The following TMEM63B variants were observed in gnomAD, a reference collection of about 807,000 sequenced individuals.
The protein encoded by TMEM63B is mechanosensitive cation channel TMEM63B.
In TMEM63B, 23 loss-of-function variants were observed where a neutral mutation model predicts 102.6. That is an observed-to-expected ratio of 0.22 (90% confidence interval 0.16 to 0.32). TMEM63B has a LOEUF of 0.32. Ranked by LOEUF, TMEM63B falls within the 10% of genes least tolerant of loss-of-function variation. TMEM63B has a pLI of 1.00. For synonymous variants in TMEM63B, 444 were observed against 437.0 expected (o/e 1.02, Z -0.20); for missense variants, 628 against 1,095.9 (o/e 0.57, Z 6.03).
At position 44,139,712 on chromosome 6, in the gene TMEM63B, C is replaced by T. The variant is rs2128236880; in HGVS notation, c.555C>T (p.Asn185=). 2 of 1,614,180 alleles carry T rather than the reference C, an allele frequency of 1.2e-6. No homozygotes were observed. Among genetic ancestry groups the T allele is most frequent in the Non-Finnish European group, 1.7e-6 (2 of 1,180,036 alleles). The change falls in exon 8 of 24, where the codon AAC becomes AAT. Residue 185 remains asparagine (N), a synonymous_variant. Coordinates refer to ENST00000323267, the MANE Select transcript of TMEM63B (RefSeq NM_018426.3). ...CTCCCTCTTCCCACCCCACAGAGAA[C>T]AATGCCTACAGCTTTGGGAGAACCA... The part of the protein sequence containing the change: ...PVNFSGDLLE[N]NAYSFGRTTI...
At position 44,148,561 on chromosome 6, in the gene TMEM63B, T is replaced by A; in HGVS notation, c.1170T>A (p.Arg390=). 1 of 1,614,188 alleles carries A rather than the reference T, an allele frequency of 6.2e-7. No homozygotes were observed. The highest frequency in any genetic ancestry group is 8.5e-7 in the Non-Finnish European group (1 of 1,180,018). ...GTAAATGCCAGGGCTGCACCTGCCG[T>A]GGGGAGCCACGCCCCTCATCCTGCA... is the stretch of plus-strand genomic sequence containing the variant. The part of the protein sequence containing the change: ...NVCKCQGCTC[R]GEPRPSSCSE... Residue 390 remains arginine, a synonymous_variant, in exon 14 of 24, where the codon CGT becomes CGA. Transcript: ENST00000323267. This position sits in a 1 kb window ranked among gnomAD's most constrained non-coding sequence, Gnocchi z 5.1.
chr6:44,152,737 G>A lies in TMEM63B; in HGVS notation c.1942+39G>A, dbSNP rs1389590635. On this transcript the variant is annotated intron_variant, in intron 20 of 23. Transcript: ENST00000323267. The surrounding 1 kb of genome is among the most constrained non-coding windows in gnomAD (Gnocchi z 6.4). ...CGCCGGGACCTGGGCCCTGCTCGGGGGGACCCAGGACTTCACCCTCTCCAC... is the reference window on the plus strand; with the variant it reads ...CGCCGGGACCTGGGCCCTGCTCGGGAGGACCCAGGACTTCACCCTCTCCAC... 2.0e-6 allele frequency: 3 copies of A among 1,535,254 alleles called. No individual in the cohort carries two copies. Among genetic ancestry groups the A allele is most frequent in the Non-Finnish European group, 2.7e-6 (3 of 1,120,360 alleles).
Position 44,154,991 on chromosome 6 carries a change from C to T in TMEM63B, c.*108C>T, listed in dbSNP as rs1321651147. ...GATCTAAAGCCCCTTCCTCCCCAGC[C>T]CCTGCTTTCATTAAGGTATTTAAAC... On this transcript the variant is annotated 3_prime_UTR_variant, in exon 24 of 24. Coordinates refer to ENST00000323267, the MANE Select transcript of TMEM63B (RefSeq NM_018426.3). The T allele has an allele frequency of 9.1e-7, 1 of 1,094,426 alleles. No homozygotes were observed. Among genetic ancestry groups the T allele is most frequent in the Non-Finnish European group, 1.2e-6 (1 of 800,468 alleles). 67.8% of individuals were successfully genotyped at this position (1,094,426 alleles called of 1,614,324 possible). A position where few individuals can be genotyped will look rare whatever the true frequency, so the allele number is the denominator to read the frequency against.
At chr6:44,145,042 C>G (rs551536949) in intron 10 of TMEM63B, among the ~76,000 whole-genome samples, 2 of 151,682 alleles carry the variant, frequency 1.3e-5, no homozygotes, top group Non-Finnish European at 2.9e-5. Flanking sequence ...TTTGGGGAGC[C>G]GAGGTGGGTG....
intron 6 of TMEM63B, chr6:44,138,917 A>C (rs1337361833): frequency 3.5e-6 from 1 of 287,852 alleles, no homozygotes; most frequent in South Asian, 3.9e-5. Flanking sequence ...TGAGAAAGGC[A>C]GGAAGCCAGG....
chr6:44,141,066 T>C lies in TMEM63B; in HGVS notation c.750T>C (p.Tyr250=), dbSNP rs142579579. The change falls in exon 10 of 24, where the codon TAT becomes TAC. Residue 250 remains tyrosine, a synonymous_variant. Transcript: ENST00000323267. ...TCTTCATCAATGGAATCTCCAAATA[T>C]GCAGAGTCAGAAAAGATCAAGAAGC... The part of the protein sequence containing the change: ...RTLFINGISK[Y]AESEKIKKHF... 1.6e-5 allele frequency: 26 copies of C among 1,613,852 alleles called. No individual in the cohort carries two copies. Among genetic ancestry groups the C allele is most frequent in the African/African-American group, 1.6e-4 (12 of 74,894 alleles).
chr6:44,148,386 G>C lies in TMEM63B; in HGVS notation c.1121+1G>C. The C allele has an allele frequency of 1.2e-6, 2 of 1,614,250 alleles. No homozygotes were observed. The highest frequency in any genetic ancestry group is 1.7e-6 in the Non-Finnish European group (2 of 1,180,040). ...TCCACAATGAGACTATCACCGCCATGTGAGTCCCCAACTCGGCCCTCGGCC... is the reference window on the plus strand; with the variant it reads ...TCCACAATGAGACTATCACCGCCATCTGAGTCCCCAACTCGGCCCTCGGCC... On this transcript the variant is annotated splice_donor_variant, in intron 13 of 23. Transcript: ENST00000323267. LOFTEE classifies it high-confidence loss of function. The surrounding 1 kb of genome is among the most constrained non-coding windows in gnomAD (Gnocchi z 5.1).
At chr6:44,136,484 C>A in intron 5 of TMEM63B, 45 bp downstream of exon 5, 1 of 1,340,238 alleles carries the variant, frequency 7.5e-7, no homozygotes, top group East Asian at 2.4e-5. Flanking sequence ...ACCCCACCCC[C>A]AGGGCACATG....
rs113624746 is a variant in TMEM63B, at chr6:44,134,338, T to A, written c.-24-223T>A. ...CCCAGTCCAGGCCTGGCATCTAGAC[T>A]GAGTTCCCCAGACCCAGGGTGGGGT... is the stretch of plus-strand genomic sequence containing the variant. On this transcript the variant is annotated intron_variant, in intron 1 of 23. Transcript: ENST00000323267. The A allele has an allele frequency of 5.1e-3, 2,659 of 519,852 alleles. 69 individuals carry two copies. Among genetic ancestry groups the A allele is most frequent in the African/African-American group, 0.044 (2,316 of 52,392 alleles). The allele number at this position is 519,852 out of a possible 1,614,324, so 32.2% of individuals were successfully genotyped here. A position where few individuals can be genotyped will look rare whatever the true frequency, so the allele number is the denominator to read the frequency against.
In TMEM63B at chr6:44,154,936, C is replaced by CA; in HGVS notation, c.*54dup. The stretch of plus-strand genomic sequence containing the variant: ...TCCTGCCCCACCCCACCCCCACTCC[C>CA]ACGGACACTAAAACGCTAATAATTT... On this transcript the variant is annotated 3_prime_UTR_variant, in exon 24 of 24. Coordinates refer to ENST00000323267, the MANE Select transcript of TMEM63B (RefSeq NM_018426.3). 1 of 1,432,902 alleles carries CA rather than the reference C, an allele frequency of 7.0e-7. No individual in the cohort carries two copies. Among genetic ancestry groups the CA allele is most frequent in the Non-Finnish European group, 9.3e-7 (1 of 1,078,274 alleles). The allele number at this position is 1,432,902 out of a possible 1,614,324, so 88.8% of individuals were successfully genotyped here.
chr6:44,134,333 T>C (rs1013473839), intron 1 of TMEM63B: 11 of 513,130 alleles, frequency 2.1e-5, no homozygotes, highest in Admixed American at 3.4e-5. Context: ...GCCTGGCATC[T>C]AGACTGAGTT....
intron 23 of TMEM63B, 92 bp downstream of exon 23, chr6:44,154,537 C>T: frequency 1.3e-6 from 2 of 1,552,778 alleles, no homozygotes; most frequent in Non-Finnish European, 1.8e-6. Flanking sequence ...GAACCTGTGC[C>T]AGACCCCATG....
chr6:44,151,731 C>G, intron 18 of TMEM63B, 115 bp from the exon 19 acceptor site: 2 of 1,271,186 alleles, frequency 1.6e-6, no homozygotes, highest in Non-Finnish European at 2.2e-6. Context: ...CTGGGGGTGT[C>G]CACATGGAAG....
chr6:44,136,457 A>G lies in TMEM63B; in HGVS notation c.369+18A>G. On this transcript the variant is annotated intron_variant, in intron 5 of 23. Transcript: ENST00000323267. ...GGGACAATGTGAGTGCCCTCCCCCC[A>G]AACTTCTTAGTCCCCCACCCCACCC... The G allele has an allele frequency of 7.0e-7, 1 of 1,431,362 alleles. No homozygotes were observed. Among genetic ancestry groups the G allele is most frequent in the Non-Finnish European group, 9.4e-7 (1 of 1,066,300 alleles). The allele number at this position is 1,431,362 out of a possible 1,614,324, so 88.7% of individuals were successfully genotyped here.
At chr6:44,153,869 G>T in intron 21 of TMEM63B, 26 bp downstream of exon 21, 1 of 1,605,608 alleles carries the variant, frequency 6.2e-7, no homozygotes. Context: ...CCAGGGAACG[G>T]GGGGTGGCGA....
rs776926921 is a variant in TMEM63B, at chr6:44,153,711, A to G, written c.1978A>G (p.Arg660Gly). ...CATGCTGCTGAAGCACCTGGTAGAC[A>G]GGTACAATCTCTACTACGCCTACCT... ...MYMLLKHLVD[R>G]YNLYYAYLPA... Residue 660 changes from arginine to glycine, a missense_variant, in exon 21 of 24, where the codon AGG becomes GGG. Physicochemically the swap from Arg to Gly is moderately radical, Grantham distance 125. Coordinates refer to ENST00000323267, the MANE Select transcript of TMEM63B (RefSeq NM_018426.3). 3 of 1,614,124 alleles carry G rather than the reference A, an allele frequency of 1.9e-6. No individual in the cohort carries two copies. Among genetic ancestry groups the G allele is most frequent in the East Asian group, 2.2e-5 (1 of 44,884 alleles).
At chr6:44,136,813 G>A (rs866900775) in intron 5 of TMEM63B, among the ~76,000 whole-genome samples, 5 of 152,240 alleles carry the variant, frequency 3.3e-5, no homozygotes, top group African/African-American at 7.2e-5. Context: ...TTGGGAGGCC[G>A]AGGCGGGAGG....
Position 44,152,272 on chromosome 6 carries a change from C to T in TMEM63B, c.1836+264C>T, listed in dbSNP as rs569800040. Among the ~76,000 whole-genome samples the T allele has an allele frequency of 1.3e-5, 2 of 152,146 alleles. No individual in the cohort carries two copies. Among genetic ancestry groups the T allele is most frequent in the Non-Finnish European group, 1.5e-5 (1 of 67,968 alleles). The stretch of plus-strand genomic sequence containing the variant: ...GAGTTGGGGAGATCTGGGTCCCTAG[C>T]GCTAGGGTCCCTCTGTCTTAATAAG... On this transcript the variant is annotated intron_variant, in intron 19 of 23. Coordinates refer to ENST00000323267, the MANE Select transcript of TMEM63B (RefSeq NM_018426.3). The surrounding 1 kb of genome is among the most constrained non-coding windows in gnomAD (Gnocchi z 6.4).
intron 1 of TMEM63B, chr6:44,127,976 C>G (rs890496160): frequency 6.6e-6 from 1 of 151,244 alleles, no homozygotes; most frequent in African/African-American, 2.4e-5. Context: ...GAGTGCCACT[C>G]TTCTCCCACC....
Sources: allele counts gnomAD v4.1 joint callset (sites outside exome capture counted in the v4.1 genomes callset), GRCh38; gene constraint gnomAD v4.1.1; non-coding constraint Gnocchi (gnomAD v3.1); transcripts MANE v1.5; gene names NCBI Gene and HGNC (gene_info 2026-07-23, HGNC 2026-07-21).